SPIRE1: variants seen among roughly 807,000 people sequenced by gnomAD.
SPIRE1 encodes the protein protein spire homolog 1.
A neutral mutation model predicts 94.1 loss-of-function variants in SPIRE1; 40 were observed. The observed-to-expected ratio is 0.43, with a 90% CI of 0.33 to 0.55. SPIRE1 has a LOEUF of 0.55. SPIRE1 is among the 20% of genes least tolerant of loss of function. SPIRE1 has a pLI of 0.06. For synonymous variants in SPIRE1, 376 were observed against 371.7 expected, an observed-to-expected ratio of 1.01 and a Z score of -0.13; for missense variants, 838 against 975.2, an observed-to-expected ratio of 0.86 and a Z score of 1.87.
At chr18:12,558,515 T>C (rs1490736260) in intron 2 of SPIRE1, among the ~76,000 whole-genome samples, 1 of 152,246 alleles carries the variant, frequency 6.6e-6, no homozygotes, top group Admixed American at 6.5e-5. Context: ...CCTGCTTTTA[T>C]TCTCTTATCT....
At chr18:12,475,539 A>C (rs7230926) in intron 10 of SPIRE1, among the ~76,000 whole-genome samples, 13,362 of 152,202 alleles carry the variant, frequency 0.088, 1,162 homozygotes, top group African/African-American at 0.22. Flanking sequence ...TGGTGAAAAG[A>C]ATAGGAGAAG....
At chr18:12,659,631 C>G (rs1029755281), upstream of SPIRE1, among the ~76,000 whole-genome samples, 19 of 152,240 alleles carry the variant, frequency 1.2e-4, no homozygotes, top group African/African-American at 4.6e-4. Context: ...GATCACACCA[C>G]TGCACTCCAG....
chr18:12,485,998 T>C lies in SPIRE1; in HGVS notation c.1192A>G (p.Met398Val), dbSNP rs2033025314. 5 of 1,518,358 alleles carry C rather than the reference T, an allele frequency of 3.3e-6. No homozygotes were observed. Among genetic ancestry groups the C allele is most frequent in the African/African-American group, 1.4e-5 (1 of 70,176 alleles). 94.1% of individuals were successfully genotyped at this position (1,518,358 alleles called of 1,614,324 possible). A position where few individuals can be genotyped will look rare whatever the true frequency, so the allele number is the denominator to read the frequency against. The change falls in exon 9 of 17, where the codon ATG becomes GTG. Residue 398 changes from methionine (M) to valine (V), a missense_variant and splice_region_variant. Physicochemically the swap from Met to Val is conservative, Grantham distance 21. Coordinates refer to ENST00000409402, the MANE Select transcript of SPIRE1 (RefSeq NM_001128626.2). ...CTGTAAGACATGCTAAGTGGCCGCATTGCTGAAAAAAAGAAAACAAACAAT... is the reference window on the plus strand; with the variant it reads ...CTGTAAGACATGCTAAGTGGCCGCACTGCTGAAAAAAAGAAAACAAACAAT... ...PEEIRRSRLA[M>V]RPLSMSYSFD...
chr18:12,512,662 C>T (rs377662565), intron 4 of SPIRE1, 131 bp from the exon 5 acceptor site: 48 of 621,552 alleles, frequency 7.7e-5, no homozygotes, highest in Non-Finnish European at 1.2e-4. Context: ...TCTATTGCTC[C>T]GTAAACTCTA....
At chr18:12,590,478 G>T (rs1323997720) in intron 2 of SPIRE1, among the ~76,000 whole-genome samples, 1 of 152,074 alleles carries the variant, frequency 6.6e-6, no homozygotes, top group Non-Finnish European at 1.5e-5. Context: ...CATAGAAAAA[G>T]TTTTCGGGCC....
At position 12,479,755 on chromosome 18, in the gene SPIRE1, G is replaced by C. The variant is rs373281197; in HGVS notation, c.1348C>G (p.Arg450Gly). Residue 450 changes from arginine to glycine, a missense_variant, in exon 10 of 17, where the codon CGG becomes GGG. Around this residue, in one of 2 missense-constraint regions of SPIRE1, gnomAD observed 645 missense variants for 804.7 expected, o/e 0.80. Transcript: ENST00000409402. ...LSTSQQVPAQ[R>G]KKLLRAPTLA... ...GTTGGGGCTCTGAGGAGCTTCTTCC[G>C]CTGTGCAGGCACCTGCTGTGAGGTA... 1.2e-5 allele frequency: 19 copies of C among 1,613,888 alleles called. No individual in the cohort carries two copies. Among genetic ancestry groups the C allele is most frequent in the Admixed American group, 1.7e-5 (1 of 59,986 alleles).
chr18:12,564,042 G>GGCTTTTCATACT (rs1307245977), intron 2 of SPIRE1, among the ~76,000 whole-genome samples: 2 of 151,918 alleles, frequency 1.3e-5, no homozygotes, highest in African/African-American at 4.8e-5. Flanking sequence ...GCATAAAAGG[G>GGCTTTTCATACT]GCTTTTCATA....
At chr18:12,544,812 A>C (rs2144266728) in intron 3 of SPIRE1, among the ~76,000 whole-genome samples, 1 of 152,352 alleles carries the variant, frequency 6.6e-6, no homozygotes, top group South Asian at 2.1e-4. Context: ...TCATTGAATA[A>C]GAATTTTAAA....
intron 2 of SPIRE1, among the ~76,000 whole-genome samples, chr18:12,614,654 A>G (rs779334801): frequency 7.9e-5 from 12 of 151,878 alleles, no homozygotes; most frequent in Admixed American, 3.3e-4. Context: ...CGTCTCTACT[A>G]AAAATACAAG....
intron 2 of SPIRE1, among the ~76,000 whole-genome samples, chr18:12,598,367 A>C (rs1405670625): frequency 6.6e-6 from 1 of 152,180 alleles, no homozygotes; most frequent in Non-Finnish European, 1.5e-5. Flanking sequence ...TTTAATGACT[A>C]TACAGTAGAA....
intron 3 of SPIRE1, among the ~76,000 whole-genome samples, chr18:12,539,472 T>C (rs989025987): frequency 1.3e-5 from 2 of 152,120 alleles, no homozygotes; most frequent in African/African-American, 4.8e-5. Flanking sequence ...TTAGGTTATG[T>C]CTTTATCAGC....
intron 3 of SPIRE1, among the ~76,000 whole-genome samples, chr18:12,539,145 G>C (rs889822647): frequency 6.6e-6 from 1 of 152,198 alleles, no homozygotes; most frequent in East Asian, 1.9e-4. Context: ...GTGGCAGAAA[G>C]AAACACAGTA....
At chr18:12,546,609 GA>G (rs35057526) in intron 3 of SPIRE1, 64 bp downstream of exon 3, 595,931 of 1,225,590 alleles carry the variant, frequency 0.49, 151,344 homozygotes, top group East Asian at 0.56. Context: ...TCCAGGGGGG[GA>G]AAAAAAAGAA....
At chr18:12,590,244 C>T (rs540382283) in intron 2 of SPIRE1, among the ~76,000 whole-genome samples, 6 of 152,116 alleles carry the variant, frequency 3.9e-5, no homozygotes, top group East Asian at 1.9e-4. Flanking sequence ...TGTGCCACCA[C>T]GCCTGGCTCA....
intron 14 of SPIRE1, 78 bp from the exon 15 acceptor site, chr18:12,452,590 C>G: frequency 1.4e-6 from 2 of 1,421,962 alleles, no homozygotes; most frequent in East Asian, 4.5e-5. Flanking sequence ...TATGGCAGTA[C>G]AGTTGTAAGT....
intron 9 of SPIRE1, 149 bp from the exon 10 acceptor site, chr18:12,480,020 G>A (rs1480048473): frequency 1.8e-6 from 1 of 560,420 alleles, no homozygotes; most frequent in African/African-American, 1.9e-5. Context: ...CTTCTGGTTG[G>A]ATATTAACTG....
Position 12,479,851 on chromosome 18 carries a change from T to C in SPIRE1, c.1252A>G (p.Thr418Ala). The change falls in exon 10 of 17, where the codon ACA (threonine) becomes GCA (alanine). Residue 418 changes from threonine to alanine, a missense_variant. By Grantham distance (58) the Thr-to-Ala change is moderately conservative. Transcript: ENST00000409402. ...ATAGATGACTCCACAAGATTCTTTGTAGATTCAGGGGTAGTCACATCTGGT... is the reference window on the plus strand; with the variant it reads ...ATAGATGACTCCACAAGATTCTTTGCAGATTCAGGGGTAGTCACATCTGGT... ...DLSDVTTPES[T>A]KNLVESSMVN... is the part of the protein sequence containing the mutation. 2 of 1,613,840 alleles carry C rather than the reference T, an allele frequency of 1.2e-6. No homozygotes were observed. The highest frequency in any genetic ancestry group is 1.7e-6 in the Non-Finnish European group (2 of 1,179,916).
chr18:12,546,625 A>T, intron 3 of SPIRE1, 49 bp downstream of exon 3: 1 of 1,401,946 alleles, frequency 7.1e-7, no homozygotes, highest in Non-Finnish European at 1.0e-6. Flanking sequence ...AAAGAAGAAG[A>T]AATAACAACT....
At chr18:12,619,042 G>T (rs1179485771) in intron 2 of SPIRE1, among the ~76,000 whole-genome samples, 1 of 151,528 alleles carries the variant, frequency 6.6e-6, no homozygotes, top group Non-Finnish European at 1.5e-5. Context: ...CCGCCACCAC[G>T]CCTGGCTAAT....
Sources: gnomAD v4.1 joint callset for allele counts (sites outside exome capture counted in the v4.1 genomes callset) on GRCh38, gnomAD v4.1.1 for gene constraint, gnomAD v4.1.1 regional missense constraint, MANE v1.5 for transcripts, NCBI Gene and HGNC (gene_info 2026-07-23, HGNC 2026-07-21) for gene names.